AGBL1: variants seen among roughly 807,000 people sequenced by gnomAD.
The protein encoded by AGBL1 is cytosolic carboxypeptidase 4.
Under a neutral mutation model 118.9 loss-of-function variants are expected in AGBL1, and 130 were observed. The observed-to-expected ratio is 1.09, with a 90% CI of 0.95 to 1.26. The LOEUF is 1.26. Ranked by LOEUF, AGBL1 falls within the 50% of genes most tolerant of loss-of-function variation. The pLI is 0.00. For missense variants in AGBL1, 1,584 were observed against 1,298.1 expected (o/e 1.22, Z -3.38); for synonymous variants, 555 against 478.9 (o/e 1.16, Z -2.08).
intron 15 of AGBL1, among the ~76,000 whole-genome samples, chr15:86,273,445 A>C (rs1165125336): frequency 2.0e-5 from 3 of 152,362 alleles, no homozygotes; most frequent in Non-Finnish European, 1.5e-5. Flanking sequence ...TTTTATAATT[A>C]TTCACCACGT....
At chr15:86,814,700 G>C (rs555872927) in intron 22 of AGBL1, among the ~76,000 whole-genome samples, 3 of 152,244 alleles carry the variant, frequency 2.0e-5, no homozygotes, top group Non-Finnish European at 2.9e-5. Context: ...GCCATATCAG[G>C]CCAACATCCA....
At chr15:86,762,134 T>G (rs1054470607) in intron 22 of AGBL1, among the ~76,000 whole-genome samples, 8 of 151,986 alleles carry the variant, frequency 5.3e-5, no homozygotes, top group Non-Finnish European at 1.2e-4. Context: ...AACCAAACAC[T>G]GCATATTCTA....
intron 6 of AGBL1, among the ~76,000 whole-genome samples, chr15:86,234,853 G>A (rs1358381053): frequency 6.6e-6 from 1 of 152,182 alleles, no homozygotes; most frequent in Non-Finnish European, 1.5e-5. Context: ...AAAAGTCCTG[G>A]AGGTTTCAGG....
chr15:86,539,742 C>A (rs912811229), intron 19 of AGBL1, among the ~76,000 whole-genome samples: 3 of 152,168 alleles, frequency 2.0e-5, no homozygotes, highest in Non-Finnish European at 2.9e-5. Context: ...TATGTATAAC[C>A]TCCCTTGAGA....
intron 22 of AGBL1, among the ~76,000 whole-genome samples, chr15:86,850,072 T>C (rs918346140): frequency 6.6e-6 from 1 of 152,196 alleles, no homozygotes. Flanking sequence ...GCTGGTGTGT[T>C]GCTCAATCTC....
At chr15:86,861,912 G>A (rs11073678) in intron 22 of AGBL1, among the ~76,000 whole-genome samples, 20,701 of 152,182 alleles carry the variant, frequency 0.14, 1,769 homozygotes, top group Non-Finnish European at 0.19. Flanking sequence ...ATAGCTCATA[G>A]ACATCAGGTC....
chr15:86,419,277 A>G (rs977616583), intron 18 of AGBL1, among the ~76,000 whole-genome samples: 1 of 151,984 alleles, frequency 6.6e-6, no homozygotes, highest in African/African-American at 2.4e-5. Context: ...TCTTCATCTC[A>G]TTGGGACTGG....
chr15:86,437,275 G>C (rs2082011035), intron 18 of AGBL1, among the ~76,000 whole-genome samples: 2 of 152,096 alleles, frequency 1.3e-5, no homozygotes, highest in African/African-American at 4.8e-5. Flanking sequence ...CCGAGTCCTG[G>C]TATTTGTAGA....
In AGBL1 at chr15:86,279,731, A is replaced by T; in HGVS notation, c.2168A>T (p.Glu723Val). 2.5e-6 allele frequency: 4 copies of T among 1,613,790 alleles called. No individual in the cohort carries two copies. The highest frequency in any genetic ancestry group is 3.4e-6 in the Non-Finnish European group (4 of 1,179,784). ...TTTGCTGTCACCTTCCCACACAGTG[A>T]GGATGTCTGCTACCTGGCCTACCAC... ...LTFAVTFPHS[E>V]DVCYLAYHYP... The change falls in exon 16 of 23, where the codon GAG (glutamate) becomes GTG (valine). Residue 723 changes from glutamate (E) to valine (V), a missense_variant. Physicochemically the swap from Glu to Val is moderately radical, Grantham distance 121. Coordinates refer to ENST00000614907, the MANE Select transcript of AGBL1 (RefSeq NM_001386094.1).
At chr15:86,548,954 A>G (rs2083626606) in intron 20 of AGBL1, among the ~76,000 whole-genome samples, 1 of 152,078 alleles carries the variant, frequency 6.6e-6, no homozygotes, top group Non-Finnish European at 1.5e-5. Context: ...TCACATGGTG[A>G]GAACAGAGCC....
intron 21 of AGBL1, among the ~76,000 whole-genome samples, chr15:86,592,972 C>T (rs545642362): frequency 2.0e-5 from 3 of 152,232 alleles, no homozygotes; most frequent in African/African-American, 7.2e-5. Flanking sequence ...CTAACTTCAT[C>T]GTTACTTCAT....
chr15:86,607,419 C>T (rs2084593074), intron 21 of AGBL1, among the ~76,000 whole-genome samples: 1 of 152,164 alleles, frequency 6.6e-6, no homozygotes, highest in East Asian at 1.9e-4. Flanking sequence ...ACAATTTCAA[C>T]TCATTTGGGT....
At chr15:86,843,245 C>T (rs544819084) in intron 22 of AGBL1, among the ~76,000 whole-genome samples, 2 of 152,296 alleles carry the variant, frequency 1.3e-5, no homozygotes, top group African/African-American at 2.4e-5. Flanking sequence ...CAAGACTTCA[C>T]TCAGCTTTGA....
chr15:86,282,629 T>C (rs1432840836), intron 16 of AGBL1, among the ~76,000 whole-genome samples: 4 of 152,210 alleles, frequency 2.6e-5, no homozygotes, highest in Non-Finnish European at 5.9e-5. Context: ...GTGACTTCTC[T>C]TAAAAAAAAC....
intron 4 of AGBL1, among the ~76,000 whole-genome samples, chr15:86,157,127 A>T (rs142355470): frequency 5.9e-5 from 9 of 152,170 alleles, no homozygotes; most frequent in South Asian, 4.1e-4. Flanking sequence ...TCTCTTAATA[A>T]ACATGGAGGA....
chr15:86,508,004 C>G (rs960694948), intron 18 of AGBL1, among the ~76,000 whole-genome samples: 1 of 141,310 alleles, frequency 7.1e-6, no homozygotes, highest in African/African-American at 2.8e-5. Context: ...AAGTGATTTG[C>G]CTTTTTTTTT....
chr15:86,197,213 A>G (rs1013178540), intron 5 of AGBL1, among the ~76,000 whole-genome samples: 1 of 152,192 alleles, frequency 6.6e-6, no homozygotes, highest in Non-Finnish European at 1.5e-5. Flanking sequence ...GCATGCCAGA[A>G]AACGCCTAGG....
chr15:86,187,634 C>G (rs553228201), intron 5 of AGBL1, among the ~76,000 whole-genome samples: 2 of 152,248 alleles, frequency 1.3e-5, no homozygotes, highest in East Asian at 3.9e-4. Context: ...TATCAGGGCC[C>G]AGAACAATGG....
At chr15:86,760,523 G>A (rs2078008813) in intron 22 of AGBL1, among the ~76,000 whole-genome samples, 2 of 152,056 alleles carry the variant, frequency 1.3e-5, no homozygotes. Flanking sequence ...ACACAACAGA[G>A]AGATGTCTTT....
Sources: gnomAD v4.1 joint callset for allele counts (sites outside exome capture counted in the v4.1 genomes callset) on GRCh38, gnomAD v4.1.1 for gene constraint, MANE v1.5 for transcripts, NCBI Gene and HGNC (gene_info 2026-07-23, HGNC 2026-07-21) for gene names.